The following ATAD3B variants were observed in gnomAD, a reference collection of about 807,000 sequenced individuals.
The protein encoded by ATAD3B is ATPase family AAA domain-containing protein 3B.
Under a neutral mutation model 70.2 loss-of-function variants are expected in ATAD3B, and 59 were observed. That is an observed-to-expected ratio of 0.84 (90% CI 0.68 to 1.04). ATAD3B has a LOEUF of 1.04. Among genes scored for constraint, ATAD3B ranks in the 50% least tolerant of loss-of-function variants. ATAD3B has a pLI of 0.00. For missense variants in ATAD3B, 961 were observed against 913.4 expected, an observed-to-expected ratio of 1.05 and a Z score of -0.67; for synonymous variants, 423 against 388.6, an observed-to-expected ratio of 1.09 and a Z score of -1.04.
chr1:1,476,310 T>C (rs1166010252), intron 1 of ATAD3B, among the ~76,000 whole-genome samples: 1 of 148,514 alleles, frequency 6.7e-6, no homozygotes, highest in Non-Finnish European at 1.5e-5. Flanking sequence ...CCCACGGCAC[T>C]TCCCCCTGCG....
chr1:1,491,404 G>A (rs1027493290), intron 15 of ATAD3B, among the ~76,000 whole-genome samples: 1 of 152,014 alleles, frequency 6.6e-6, no homozygotes, highest in African/African-American at 2.4e-5. Flanking sequence ...GGTGGTGCAT[G>A]CCTGTTATCC....
chr1:1,487,168 C>T (rs1039164735), intron 11 of ATAD3B, among the ~76,000 whole-genome samples: 11 of 152,222 alleles, frequency 7.2e-5, no homozygotes, highest in African/African-American at 2.6e-4. Flanking sequence ...GGCACCCTCC[C>T]CTCTGGCCTT....
In ATAD3B at chr1:1,495,598, G is replaced by T. The variant is rs2100605686; in HGVS notation, c.1728G>T (p.Gly576=). 1 of 1,613,136 alleles carries T rather than the reference G, an allele frequency of 6.2e-7. No individual in the cohort carries two copies. The highest frequency in any genetic ancestry group is 8.5e-7 in the Non-Finnish European group (1 of 1,179,498). Residue 576 remains glycine, a synonymous_variant, in exon 16 of 16, where the codon GGG becomes GGT. Coordinates refer to ENST00000673477, the MANE Select transcript of ATAD3B (RefSeq NM_031921.6). ...RQKMRWLKAE[G]PGRGVEHPLS... is the part of the protein sequence containing the mutation. The stretch of plus-strand genomic sequence containing the variant: ...AGATGCGCTGGCTGAAGGCGGAGGG[G>T]CCTGGGCGCGGGGTCGAGCACCCCC...
rs1639354162 is a variant in ATAD3B, at chr1:1,472,093, A to G, written c.205+4A>G. 4.1e-6 allele frequency: 4 copies of G among 980,248 alleles called. No individual in the cohort carries two copies. In the South Asian group the frequency reaches 1.5e-4, roughly 38 times the overall value. The allele number at this position is 980,248 out of a possible 1,614,324, so 60.7% of individuals were successfully genotyped here. On this transcript the variant is annotated splice_donor_region_variant and intron_variant, in intron 1 of 15. Transcript: ENST00000673477. ...GCGCGCGAGCTGGAGCACTCGCGTG[A>G]GTGCGGCGGGGCGGGGCGGGGCGGG...
intron 12 of ATAD3B, among the ~76,000 whole-genome samples, 179 bp downstream of exon 12, chr1:1,488,093 T>A (rs1227935428): frequency 6.6e-6 from 1 of 152,034 alleles, no homozygotes; most frequent in African/African-American, 2.4e-5. Flanking sequence ...TAGCTGGGAT[T>A]ACAGGTGTTT....
intron 1 of ATAD3B, among the ~76,000 whole-genome samples, chr1:1,476,472 C>A (rs572534893): frequency 6.6e-6 from 1 of 151,170 alleles, no homozygotes; most frequent in East Asian, 1.9e-4. Context: ...CCAGGAGCAT[C>A]GGGGGTCCCT....
At chr1:1,478,285 T>C in intron 2 of ATAD3B, 6 of 857,724 alleles carry the variant, frequency 7.0e-6, no homozygotes, top group Non-Finnish European at 1.0e-5. Context: ...GCAAGAGCGA[T>C]GGCGCCCGGC....
intron 12 of ATAD3B, 119 bp downstream of exon 12, chr1:1,488,033 C>T (rs1640328839): frequency 7.2e-7 from 1 of 1,382,002 alleles, no homozygotes; most frequent in Non-Finnish European, 1.0e-6. Flanking sequence ...TGGCTCGCTG[C>T]AACCTCTGCC....
At chr1:1,488,016 G>A (rs868812407) in intron 12 of ATAD3B, 102 bp downstream of exon 12, 21 of 1,490,864 alleles carry the variant, frequency 1.4e-5, no homozygotes, top group Middle Eastern at 3.4e-4. Flanking sequence ...TTGCAGTGGC[G>A]CAATCTTGGC....
the ATAD3B span, among the ~76,000 whole-genome samples, chr1:1,503,904 G>C: frequency 6.6e-6 from 1 of 152,004 alleles, no homozygotes; most frequent in African/African-American, 2.4e-5. Flanking sequence ...CGGAGGATGG[G>C]GATCTTCTTG....
At chr1:1,508,297 A>G in the ATAD3B span, among the ~76,000 whole-genome samples, 1 of 151,094 alleles carries the variant, frequency 6.6e-6, no homozygotes, top group African/African-American at 2.5e-5. Flanking sequence ...TTGGCGAGGG[A>G]TGGGCGCTGG....
intron 4 of ATAD3B, among the ~76,000 whole-genome samples, chr1:1,480,610 C>A (rs1450122871): frequency 6.8e-6 from 1 of 147,356 alleles, no homozygotes; most frequent in African/African-American, 2.5e-5. Context: ...GGTCGGCCCG[C>A]GGTGGCCCTT....
rs971142567 is a variant in ATAD3B, at chr1:1,479,754, C to T, written c.444+646C>T. Among the ~76,000 whole-genome samples the T allele has an allele frequency of 1.6e-4, 23 of 145,782 alleles. 2 individuals are homozygous for T. The highest frequency in any genetic ancestry group is 6.0e-4 in the African/African-American group (23 of 38,618). ...ACCCGATCACACATAGGCATGCACA[C>T]CCCTCTGCACACATGGGGGCTTACA... On this transcript the variant is annotated intron_variant, in intron 4 of 15. Coordinates refer to ENST00000673477, the MANE Select transcript of ATAD3B (RefSeq NM_031921.6).
At chr1:1,491,413 C>T (rs1182713419) in intron 15 of ATAD3B, among the ~76,000 whole-genome samples, 1 of 152,010 alleles carries the variant, frequency 6.6e-6, no homozygotes, top group African/African-American at 2.4e-5. Context: ...TGCCTGTTAT[C>T]CCAGCCACAC....
intron 13 of ATAD3B, 35 bp from the exon 14 acceptor site, chr1:1,490,222 G>A (rs748735183): frequency 6.2e-7 from 1 of 1,600,454 alleles, no homozygotes; most frequent in Admixed American, 1.7e-5. Context: ...TCAGCTGGCA[G>A]CCCCAGCGTT....
intron 15 of ATAD3B, among the ~76,000 whole-genome samples, chr1:1,492,292 C>G (rs819981): frequency 0.33 from 49,329 of 151,354 alleles, 14,457 homozygotes; most frequent in African/African-American, 0.75. Flanking sequence ...TTCAAGACCA[C>G]CCTGGCCAAC....
At chr1:1,482,090 G>A in intron 5 of ATAD3B, 48 bp from the exon 6 acceptor site, 1 of 1,581,942 alleles carries the variant, frequency 6.3e-7, no homozygotes, top group Middle Eastern at 2.3e-4. Context: ...GGTGGAGGTG[G>A]ACGTGCTGCA....
intron 15 of ATAD3B, among the ~76,000 whole-genome samples, chr1:1,493,456 T>TG (rs939301500): frequency 1.3e-5 from 2 of 151,710 alleles, no homozygotes; most frequent in African/African-American, 4.8e-5. Flanking sequence ...TTTCTTTTGG[T>TG]GGGGGGACCA....
At chr1:1,493,098 G>A (rs963729565) in intron 15 of ATAD3B, among the ~76,000 whole-genome samples, 17 of 151,972 alleles carry the variant, frequency 1.1e-4, no homozygotes, top group African/African-American at 4.1e-4. Context: ...GCGACAGAGC[G>A]AAACTGTCTC....
Sources: gnomAD v4.1 joint callset for allele counts (sites outside exome capture counted in the v4.1 genomes callset) on GRCh38, gnomAD v4.1.1 for gene constraint, MANE v1.5 for transcripts, NCBI Gene and HGNC (gene_info 2026-07-23, HGNC 2026-07-21) for gene names.